ADAM29: variants seen among roughly 807,000 people sequenced by gnomAD.
ADAM29 encodes the protein ADAM metallopeptidase domain 29.
For synonymous variants in ADAM29, 367 were observed against 342.3 expected, an observed-to-expected ratio of 1.07 and a Z score of -0.80; for missense variants, 969 against 1,001.8, an observed-to-expected ratio of 0.97 and a Z score of 0.44.
intron 4 of ADAM29, among the ~76,000 whole-genome samples, chr4:174,965,566 T>C (rs1746113162): frequency 6.6e-6 from 1 of 152,082 alleles, no homozygotes; most frequent in Non-Finnish European, 1.5e-5. Context: ...TATATGATTA[T>C]AAGAAACATG....
At chr4:174,942,234 G>C (rs1027778749) in intron 4 of ADAM29, among the ~76,000 whole-genome samples, 1 of 152,046 alleles carries the variant, frequency 6.6e-6, no homozygotes, top group Non-Finnish European at 1.5e-5. Flanking sequence ...CTACCATTCT[G>C]GGGTCTGGAG....
intron 4 of ADAM29, among the ~76,000 whole-genome samples, chr4:174,948,938 G>A (rs765097781): frequency 1.3e-5 from 2 of 152,178 alleles, no homozygotes; most frequent in Non-Finnish European, 2.9e-5. Context: ...TGGCAAAGTG[G>A]TAAGGGGGCC....
chr4:174,949,664 G>A (rs1745060478), intron 4 of ADAM29, among the ~76,000 whole-genome samples: 1 of 151,746 alleles, frequency 6.6e-6, no homozygotes, highest in Admixed American at 6.6e-5. Context: ...ATGCCAGTCT[G>A]CCCCGTATCA....
In ADAM29 at chr4:174,966,391, TG is replaced by T. The variant is rs547162690; in HGVS notation, c.-180-8952del. Among the ~76,000 whole-genome samples the T allele has an allele frequency of 2.6e-3, 403 of 152,300 alleles. 2 individuals carry two copies. The Middle Eastern group carries it at 0.027, about 10-fold the overall frequency. On this transcript the variant is annotated intron_variant, in intron 4 of 4. Transcript: ENST00000359240. Reference sequence around the variant, plus strand: ...TTCTAAGCATTTTTAAAATCAGATATGGGTGAGACTCCAAGCAAAAATCCAT... The same window carrying T: ...TTCTAAGCATTTTTAAAATCAGATATGGTGAGACTCCAAGCAAAAATCCAT...
At chr4:174,970,112 G>A (rs1038517156) in intron 4 of ADAM29, among the ~76,000 whole-genome samples, 2 of 151,982 alleles carry the variant, frequency 1.3e-5, no homozygotes, top group African/African-American at 4.8e-5. Flanking sequence ...AAAATTCACA[G>A]AAAGAGAATA....
Position 174,976,272 on chromosome 4 carries a change from G to A in ADAM29, c.747G>A (p.Glu249=), listed in dbSNP as rs752593654. ...IGVKVLLFGL[E]IWTNKNLIVV... ...TTAAGGTGTTATTATTTGGTTTGGA[G>A]ATCTGGACCAATAAAAACCTCATTG... Residue 249 remains glutamate (E), a synonymous_variant, in exon 5 of 5, where the codon GAG becomes GAA. Coordinates refer to ENST00000359240, the MANE Select transcript of ADAM29 (RefSeq NM_014269.4). The A allele has an allele frequency of 1.2e-6, 2 of 1,611,160 alleles. No homozygotes were observed. Among genetic ancestry groups the A allele is most frequent in the Admixed American group, 1.7e-5 (1 of 59,422 alleles).
Position 174,977,255 on chromosome 4 carries a change from A to T in ADAM29, c.1730A>T (p.Asn577Ile). ...ACTACTGTGCATTGGGCTCGCTTCA[A>T]TGACATAATGTGCTGGAGTACTGAT... Reference protein sequence around the residue: ...DHTTVHWARFNDIMCWSTDYH... With the variant: ...DHTTVHWARFIDIMCWSTDYH... The change falls in exon 5 of 5, where the codon AAT becomes ATT. Residue 577 changes from asparagine (N) to isoleucine (I), a missense_variant. Physicochemically the swap from Asn to Ile is moderately radical, Grantham distance 149. Transcript: ENST00000359240. 6.2e-7 allele frequency: 1 copy of T among 1,614,028 alleles called. No homozygotes were observed. The highest frequency in any genetic ancestry group is 1.3e-5 in the African/African-American group (1 of 75,070).
intron 4 of ADAM29, among the ~76,000 whole-genome samples, chr4:174,946,358 CTT>C (rs1744851592): frequency 6.6e-6 from 1 of 152,056 alleles, no homozygotes; most frequent in Non-Finnish European, 1.5e-5. Flanking sequence ...TATCCTGAAA[CTT>C]TGCTTAAGTA....
intron 4 of ADAM29, among the ~76,000 whole-genome samples, chr4:174,968,774 CACACACA>C (rs1746297298): frequency 3.0e-5 from 1 of 33,604 alleles, no homozygotes; most frequent in Admixed American, 2.4e-4. Context: ...TTTCCGCCCA[CACACACA>C]CACACACACA....
chr4:174,977,968 C>A lies in ADAM29; in HGVS notation c.2443C>A (p.Pro815Thr). The A allele has an allele frequency of 6.3e-7, 1 of 1,592,888 alleles. No individual in the cohort carries two copies. Among genetic ancestry groups the A allele is most frequent in the Non-Finnish European group, 8.6e-7 (1 of 1,168,148 alleles). The change falls in exon 5 of 5, where the codon CCT becomes ACT. Residue 815 changes from proline (P) to threonine (T), a missense_variant. Pro to Thr is a conservative substitution (Grantham distance 38). Transcript: ENST00000359240. The part of the protein sequence containing the change: ...QPQLMPSQSQ[P>T]PVTPS ...TCAGTTGATGCCTTCCCAGAGTCAACCTCCTGTGACGCCCTCCTAGAGCCA... is the reference window on the plus strand; with the variant it reads ...TCAGTTGATGCCTTCCCAGAGTCAAACTCCTGTGACGCCCTCCTAGAGCCA...
intron 4 of ADAM29, among the ~76,000 whole-genome samples, chr4:174,965,560 T>G (rs946192508): frequency 6.6e-6 from 1 of 152,034 alleles, no homozygotes; most frequent in Non-Finnish European, 1.5e-5. Context: ...TACTTATATA[T>G]GATTATAAGA....
chr4:174,943,516 AAG>A (rs1744664378), intron 4 of ADAM29, among the ~76,000 whole-genome samples: 1 of 152,190 alleles, frequency 6.6e-6, no homozygotes, highest in African/African-American at 2.4e-5. Context: ...AGCAGCAGGA[AAG>A]AGAGAGAGCA....
intron 2 of ADAM29, among the ~76,000 whole-genome samples, chr4:174,923,560 T>TATAC (rs70947473): frequency 5.2e-5 from 6 of 115,892 alleles, no homozygotes; most frequent in African/African-American, 2.1e-4. Context: ...TATATATATA[T>TATAC]ACACACACAC....
intron 4 of ADAM29, among the ~76,000 whole-genome samples, chr4:174,970,068 GAA>G (rs887293292): frequency 2.0e-5 from 3 of 148,974 alleles, no homozygotes; most frequent in Admixed American, 2.0e-4. Flanking sequence ...ATAGGTACAA[GAA>G]AAAAAAATAT....
At chr4:174,931,479 G>A (rs1382392884) in intron 3 of ADAM29, 1 of 152,082 alleles carries the variant, frequency 6.6e-6, no homozygotes, top group Non-Finnish European at 1.5e-5. Flanking sequence ...ATATCCTTTA[G>A]ATAAATTGTC....
At chr4:174,925,624 T>C (rs1374209750) in intron 2 of ADAM29, among the ~76,000 whole-genome samples, 1 of 152,212 alleles carries the variant, frequency 6.6e-6, no homozygotes, top group Non-Finnish European at 1.5e-5. Flanking sequence ...AGAATTTGTT[T>C]ACATTATTAA....
chr4:174,954,378 G>T (rs947498446), intron 4 of ADAM29, among the ~76,000 whole-genome samples: 1 of 151,952 alleles, frequency 6.6e-6, no homozygotes, highest in Non-Finnish European at 1.5e-5. Flanking sequence ...TAACACTGTG[G>T]TCTCTCTCCA....
At chr4:174,963,623 T>C (rs939173300) in intron 4 of ADAM29, among the ~76,000 whole-genome samples, 1 of 151,940 alleles carries the variant, frequency 6.6e-6, no homozygotes, top group Non-Finnish European at 1.5e-5. Context: ...AAATTTTGTA[T>C]AGTATAATAT....
chr4:174,958,890 T>C (rs1299351984), intron 4 of ADAM29, among the ~76,000 whole-genome samples: 1 of 151,862 alleles, frequency 6.6e-6, no homozygotes, highest in Non-Finnish European at 1.5e-5. Context: ...ATAGGTACCT[T>C]GTAACACAGT....
Sources: allele counts gnomAD v4.1 joint callset (sites outside exome capture counted in the v4.1 genomes callset), GRCh38; gene constraint gnomAD v4.1.1; transcripts MANE v1.5; gene names NCBI Gene and HGNC (gene_info 2026-07-23, HGNC 2026-07-21).